Variants in VPS33A observed in about 807,000 individuals in gnomAD.
VPS33A encodes vacuolar protein sorting-associated protein 33A.
In VPS33A, 32 loss-of-function variants were observed where a neutral mutation model predicts 71.8. The ratio of observed to expected loss-of-function variants is 0.45; its 90% confidence interval spans 0.34 to 0.60. VPS33A has a LOEUF of 0.60. VPS33A is among the 20% of genes least tolerant of loss of function. The pLI is 0.02. For missense variants in VPS33A, 625 were observed against 748.5 expected (o/e 0.84, Z 1.92); for synonymous variants, 311 against 292.7 (o/e 1.06, Z -0.64).
intron 9 of VPS33A, among the ~76,000 whole-genome samples, 178 bp from the exon 10 acceptor site, chr12:122,238,902 C>A (rs1477043476): frequency 1.3e-5 from 2 of 149,004 alleles, no homozygotes; most frequent in Non-Finnish European, 3.0e-5. Flanking sequence ...TTCCACAGTC[C>A]CTAACCCTTC....
intron 5 of VPS33A, 110 bp from the exon 6 acceptor site, chr12:122,250,155 A>C (rs191910437): frequency 8.2e-5 from 96 of 1,167,044 alleles, no homozygotes; most frequent in Admixed American, 6.6e-4. Context: ...GAAAAACTGG[A>C]AGAGTGCATT....
At chr12:122,259,204 T>C (rs1566051518) in intron 4 of VPS33A, among the ~76,000 whole-genome samples, 1 of 150,914 alleles carries the variant, frequency 6.6e-6, no homozygotes, top group East Asian at 1.9e-4. Flanking sequence ...TATGTATGTA[T>C]GTATGTATGT....
At position 122,266,449 on chromosome 12, in the gene VPS33A, C is replaced by A. The variant is rs762999250; in HGVS notation, c.-41G>T. On this transcript the variant is annotated 5_prime_UTR_variant, in exon 1 of 13. Transcript: ENST00000267199. The stretch of plus-strand genomic sequence containing the variant: ...CCTGCCCCACAACGCCAACCGAGTC[C>A]GCCGGTTCCTACGGGAGGACCACGG... 1.3e-6 allele frequency: 2 copies of A among 1,588,764 alleles called. No individual in the cohort carries two copies. Among genetic ancestry groups the A allele is most frequent in the African/African-American group, 1.3e-5 (1 of 74,340 alleles).
In VPS33A at chr12:122,232,825, T is replaced by C. The variant is rs935531078; in HGVS notation, c.1584A>G (p.Pro528=). ...LPGPHFEERQ[P]LPTGLQKKRQ... is the part of the protein sequence containing the mutation. ...GTTTCTTCTGCAGTCCTGTGGGCAG[T>C]GGCTGCCGCTCCTCAAAGTGGGGCC... Residue 528 remains proline (P), a synonymous_variant, in exon 12 of 13, where the codon CCA becomes CCG. Transcript: ENST00000267199. The C allele has an allele frequency of 2.5e-6, 4 of 1,613,848 alleles. No homozygotes were observed. Among genetic ancestry groups the C allele is most frequent in the South Asian group, 1.1e-5 (1 of 91,044 alleles).
At chr12:122,260,932 G>A (rs1253893807) in intron 4 of VPS33A, among the ~76,000 whole-genome samples, 3 of 152,170 alleles carry the variant, frequency 2.0e-5, no homozygotes, top group Non-Finnish European at 4.4e-5. Flanking sequence ...CTGAGATCGC[G>A]CCACTGCGCT....
chr12:122,238,277 G>A (rs1055283362), intron 10 of VPS33A, among the ~76,000 whole-genome samples: 1 of 152,106 alleles, frequency 6.6e-6, no homozygotes, highest in African/African-American at 2.4e-5. Context: ...CTGGAGTGCA[G>A]GGGCATGATC....
intron 4 of VPS33A, among the ~76,000 whole-genome samples, chr12:122,256,062 C>T (rs1268060984): frequency 1.3e-5 from 2 of 152,120 alleles, no homozygotes; most frequent in African/African-American, 2.4e-5. Flanking sequence ...TCCCAAAGTG[C>T]TGGGATTACG....
intron 5 of VPS33A, 153 bp downstream of exon 5, chr12:122,250,830 A>G: frequency 1.6e-6 from 1 of 644,784 alleles, no homozygotes; most frequent in Non-Finnish European, 2.8e-6. Flanking sequence ...TTGGAGGGTT[A>G]TAAGTGCATT....
intron 4 of VPS33A, among the ~76,000 whole-genome samples, chr12:122,257,401 T>G (rs1176288953): frequency 3.3e-5 from 4 of 120,926 alleles, no homozygotes; most frequent in East Asian, 5.2e-4. Flanking sequence ...CACTCCAGCC[T>G]GGGCAACAGA....
At chr12:122,263,504 A>G in intron 3 of VPS33A, 68 bp downstream of exon 3, 1 of 1,488,178 alleles carries the variant, frequency 6.7e-7, no homozygotes, top group Admixed American at 2.2e-5. Context: ...TTCCATGAGA[A>G]GGAGCTCATA....
At position 122,232,876 on chromosome 12, in the gene VPS33A, G is replaced by A; in HGVS notation, c.1533C>T (p.Ile511=). The A allele has an allele frequency of 2.5e-6, 4 of 1,613,924 alleles. No individual in the cohort carries two copies. The highest frequency in any genetic ancestry group is 2.5e-6 in the Non-Finnish European group (3 of 1,179,984). Residue 511 remains isoleucine (I), a synonymous_variant, in exon 12 of 13, where the codon ATC becomes ATT. Transcript: ENST00000267199. ...CTGGGAGGATGCGGAGGACCTCCTC[G>A]ATGCTCCGCCAGCCAGGCCGGGAAA... ...QLLSRPGWRS[I]EEVLRILPGP...
In VPS33A at chr12:122,232,974, A is replaced by G. The variant is rs780963990; in HGVS notation, c.1441-6T>C. ...TACGATATGTCCGTGGGGTTCTGTGAGATAATTAAAGAACAAAAACCCTAT... is the reference window on the plus strand; with the variant it reads ...TACGATATGTCCGTGGGGTTCTGTGGGATAATTAAAGAACAAAAACCCTAT... On this transcript the variant is annotated splice_polypyrimidine_tract_variant and splice_region_variant and intron_variant, in intron 11 of 12. Coordinates refer to ENST00000267199, the MANE Select transcript of VPS33A (RefSeq NM_022916.6). 2.5e-6 allele frequency: 4 copies of G among 1,582,774 alleles called. No homozygotes were observed. The highest frequency in any genetic ancestry group is 3.4e-6 in the Non-Finnish European group (4 of 1,161,456).
chr12:122,249,012 T>G (rs1371052514), intron 6 of VPS33A: 2 of 152,246 alleles, frequency 1.3e-5, no homozygotes, highest in Non-Finnish European at 2.9e-5. Flanking sequence ...AGGAAGCAGC[T>G]TTCTAAAAAC....
At chr12:122,239,749 C>CACA in intron 9 of VPS33A, 129 bp downstream of exon 9, 2 of 195,356 alleles carry the variant, frequency 1.0e-5, no homozygotes, top group Admixed American at 2.6e-4. Flanking sequence ...GACTCCGTCT[C>CACA]AAAAAAAAAA....
At position 122,262,991 on chromosome 12, in the gene VPS33A, C is replaced by CT. The variant is rs35647648; in HGVS notation, c.296+580dup. Among the ~76,000 whole-genome samples the CT allele has an allele frequency of 9.9e-3, 1,265 of 127,838 alleles. 19 individuals are homozygous for CT. The highest frequency in any genetic ancestry group is 0.027 in the South Asian group (109 of 4,088). 83.9% of individuals were successfully genotyped at this position (127,838 alleles called of 152,430 possible). On this transcript the variant is annotated intron_variant, in intron 3 of 12. Coordinates refer to ENST00000267199, the MANE Select transcript of VPS33A (RefSeq NM_022916.6). ...AGTTACAAAACAATCCAATTACACT[C>CT]TTTTTTTTTTTTTTTTTTTGAGACG...
rs1267601245 is a variant in VPS33A at position 122,261,432 on chromosome 12, G to A, written c.312C>T (p.Gly104=). ...ACAGAATATGAAAATCTCTCGTTGGGCCTCGTCTATCTTCACTGCAAAGGA... is the reference window on the plus strand; with the variant it reads ...ACAGAATATGAAAATCTCTCGTTGGACCTCGTCTATCTTCACTGCAAAGGA... ...AENVLSEDRR[G]PTRDFHILFV... is the part of the protein sequence containing the mutation. The change falls in exon 4 of 13, where the codon GGC becomes GGT. Residue 104 remains glycine, a synonymous_variant. Coordinates refer to ENST00000267199, the MANE Select transcript of VPS33A (RefSeq NM_022916.6). The A allele has an allele frequency of 6.2e-7, 1 of 1,613,814 alleles. No homozygotes were observed. Among genetic ancestry groups the A allele is most frequent in the Admixed American group, 1.7e-5 (1 of 59,904 alleles).
In VPS33A at chr12:122,244,720, T is replaced by C. The variant is rs539702271; in HGVS notation, c.818A>G (p.Gln273Arg). 5 of 1,613,988 alleles carry C rather than the reference T, an allele frequency of 3.1e-6. No homozygotes were observed. In the East Asian group the frequency reaches 6.7e-5, roughly 22 times the overall value. The stretch of plus-strand genomic sequence containing the variant: ...GGGGAGGTCCTTACCACCATCGCCC[T>C]GTTTCTTAGGTGCAAATTTCTCTGG... ...LPPEKFAPKKQGDGGKDLPTE... is the reference protein window; with the variant it reads ...LPPEKFAPKKRGDGGKDLPTE... Residue 273 changes from glutamine (Q) to arginine (R), a missense_variant, in exon 7 of 13, where the codon CAG becomes CGG. Physicochemically the swap from Gln to Arg is conservative, Grantham distance 43 (BLOSUM62 1). Coordinates refer to ENST00000267199, the MANE Select transcript of VPS33A (RefSeq NM_022916.6).
chr12:122,258,159 G>A (rs981447809), intron 4 of VPS33A, among the ~76,000 whole-genome samples: 2 of 151,926 alleles, frequency 1.3e-5, no homozygotes, highest in African/African-American at 4.8e-5. Context: ...GGAGGCTGAG[G>A]CGGGAGGATT....
chr12:122,259,179 ATGTATGTG>A (rs1174460779), intron 4 of VPS33A, among the ~76,000 whole-genome samples: 11 of 126,618 alleles, frequency 8.7e-5, no homozygotes, highest in Admixed American at 1.8e-4. Context: ...GTGTGTGTGT[ATGTATGTG>A]TGTATGTATG....
Sources: gnomAD v4.1 joint callset for allele counts (sites outside exome capture counted in the v4.1 genomes callset) on GRCh38, gnomAD v4.1.1 for gene constraint, MANE v1.5 for transcripts, NCBI Gene and HGNC (gene_info 2026-07-23, HGNC 2026-07-21) for gene names.